Variants in CNOT6L observed in about 807,000 individuals in gnomAD.
CNOT6L encodes the protein CCR4-NOT transcription complex subunit 6 like, also known as CCR4-NOT transcription complex subunit 6-like.
In CNOT6L, 7 loss-of-function variants were observed where a neutral mutation model predicts 64.0. That is an observed-to-expected ratio of 0.11 (90% CI 0.06 to 0.21). The LOEUF (loss-of-function observed/expected upper bound fraction) is 0.21, where lower values mean the gene tolerates loss of function less well. Among genes scored for constraint, CNOT6L ranks in the 10% least tolerant of loss-of-function variants. CNOT6L has a pLI of 1.00. For synonymous variants in CNOT6L, 193 were observed against 243.4 expected, an observed-to-expected ratio of 0.79 and a Z score of 1.93; for missense variants, 245 against 669.0, an observed-to-expected ratio of 0.37 and a Z score of 6.99.
chr4:77,727,146 G>A (rs1721947170), intron 10 of CNOT6L, among the ~76,000 whole-genome samples: 1 of 152,148 alleles, frequency 6.6e-6, no homozygotes, highest in Non-Finnish European at 1.5e-5. Context: ...ATTGTAAATA[G>A]CTCAGAAGGC....
intron 5 of CNOT6L, among the ~76,000 whole-genome samples, chr4:77,753,942 G>GA (rs1265910314): frequency 1.4e-5 from 2 of 141,228 alleles, no homozygotes; most frequent in African/African-American, 2.6e-5. Flanking sequence ...ACCAGGAATA[G>GA]AAAAAACTTC....
intron 1 of CNOT6L, among the ~76,000 whole-genome samples, chr4:77,806,164 G>A (rs113652257): frequency 2.2e-3 from 333 of 152,202 alleles, no homozygotes; most frequent in African/African-American, 6.6e-3. Context: ...AGTGACTCAC[G>A]CCTATAATCC....
chr4:77,733,051 C>A (rs1210181847), intron 8 of CNOT6L, among the ~76,000 whole-genome samples: 1 of 152,000 alleles, frequency 6.6e-6, no homozygotes, highest in Non-Finnish European at 1.5e-5. Context: ...CAGGATTGAC[C>A]ATTGTCCATA....
chr4:77,759,838 A>G (rs1454148207), intron 4 of CNOT6L, among the ~76,000 whole-genome samples: 3 of 152,196 alleles, frequency 2.0e-5, no homozygotes, highest in Non-Finnish European at 4.4e-5. Flanking sequence ...CTCGGAAACC[A>G]AAAAATATGC....
At chr4:77,755,644 C>G (rs1725479720) in intron 5 of CNOT6L, among the ~76,000 whole-genome samples, 1 of 152,106 alleles carries the variant, frequency 6.6e-6, no homozygotes, top group Non-Finnish European at 1.5e-5. Flanking sequence ...TTCTATTGAT[C>G]AACTTTTAGT....
intron 11 of CNOT6L, 30 bp from the exon 12 acceptor site, chr4:77,720,673 GAAAA>G: frequency 2.5e-6 from 4 of 1,606,304 alleles, no homozygotes; most frequent in Non-Finnish European, 3.4e-6. Flanking sequence ...AGGAAAAAAA[GAAAA>G]ATTCAAGATA....
chr4:77,766,228 T>C (rs575826570), intron 4 of CNOT6L, among the ~76,000 whole-genome samples: 1 of 152,268 alleles, frequency 6.6e-6, no homozygotes, highest in Admixed American at 6.5e-5. Context: ...ATATATATAT[T>C]TTACCATACA....
intron 4 of CNOT6L, among the ~76,000 whole-genome samples, chr4:77,763,662 T>C (rs1188165771): frequency 1.3e-5 from 2 of 152,138 alleles, no homozygotes; most frequent in Non-Finnish European, 2.9e-5. Flanking sequence ...AATGGACAAA[T>C]ATATAAATCC....
chr4:77,735,383 G>T (rs1722840230), intron 8 of CNOT6L, among the ~76,000 whole-genome samples: 1 of 152,140 alleles, frequency 6.6e-6, no homozygotes, highest in African/African-American at 2.4e-5. Context: ...CAAAGATGAA[G>T]AAAACTGAGG....
At chr4:77,752,573 C>G (rs906857951) in intron 5 of CNOT6L, among the ~76,000 whole-genome samples, 3 of 151,998 alleles carry the variant, frequency 2.0e-5, no homozygotes, top group Non-Finnish European at 2.9e-5. Context: ...ACAAAGAAAA[C>G]TGGAAGAACT....
chr4:77,730,591 G>A (rs545344655), intron 9 of CNOT6L, among the ~76,000 whole-genome samples: 2 of 151,966 alleles, frequency 1.3e-5, no homozygotes, highest in Non-Finnish European at 2.9e-5. Flanking sequence ...AAAACGGAGG[G>A]GCTAAGAAAA....
intron 10 of CNOT6L, 59 bp from the exon 11 acceptor site, chr4:77,726,428 C>A: frequency 7.4e-7 from 1 of 1,346,656 alleles, no homozygotes; most frequent in Non-Finnish European, 1.0e-6. Context: ...CAAGGCTTCA[C>A]AGCCAAGACT....
At chr4:77,780,855 T>C (rs1035414774) in intron 1 of CNOT6L, among the ~76,000 whole-genome samples, 1 of 152,230 alleles carries the variant, frequency 6.6e-6, no homozygotes, top group African/African-American at 2.4e-5. Context: ...CCCACCTAGT[T>C]GGGTGGCTGA....
intron 1 of CNOT6L, chr4:77,819,076 C>CACACACACACACACACACACACA: frequency 3.5e-6 from 1 of 282,482 alleles, no homozygotes; most frequent in South Asian, 2.6e-5. Context: ...ACACACACAC[C>CACACACACACACACACACACACA]CCGGAACCTT....
intron 1 of CNOT6L, among the ~76,000 whole-genome samples, chr4:77,779,970 T>TG (rs1728681171): frequency 6.6e-6 from 1 of 152,024 alleles, no homozygotes; most frequent in African/African-American, 2.4e-5. Context: ...TCTCAATCAA[T>TG]CAATCAATAA....
chr4:77,776,452 G>A, intron 1 of CNOT6L, 60 bp from the exon 2 acceptor site: 1 of 1,240,738 alleles, frequency 8.1e-7, no homozygotes, highest in Non-Finnish European at 1.1e-6. Context: ...TAAAAAAAGA[G>A]AAAATAGGAT....
At chr4:77,761,274 A>C (rs1726195535) in intron 4 of CNOT6L, among the ~76,000 whole-genome samples, 1 of 152,138 alleles carries the variant, frequency 6.6e-6, no homozygotes, top group South Asian at 2.1e-4. Flanking sequence ...CTGAGAATTA[A>C]CCAAATTAGT....
At chr4:77,791,107 G>A (rs1255646232) in intron 1 of CNOT6L, among the ~76,000 whole-genome samples, 3 of 151,900 alleles carry the variant, frequency 2.0e-5, no homozygotes, top group East Asian at 1.9e-4. Context: ...ATGAAACACC[G>A]TCTATACTGA....
chr4:77,810,243 A>G (rs6834754), intron 1 of CNOT6L, among the ~76,000 whole-genome samples: 4,743 of 152,228 alleles, frequency 0.031, 241 homozygotes, highest in African/African-American at 0.11. Flanking sequence ...GATGCATGGG[A>G]ACACAATTAA....
Sources: allele counts gnomAD v4.1 joint callset (sites outside exome capture counted in the v4.1 genomes callset), GRCh38; gene constraint gnomAD v4.1.1; transcripts MANE v1.5; gene names NCBI Gene and HGNC (gene_info 2026-07-23, HGNC 2026-07-21).